Variants in CYP21A2 observed in about 807,000 individuals in gnomAD.
The protein encoded by CYP21A2 is steroid 21-hydroxylase.
In CYP21A2, 24 loss-of-function variants were observed where a neutral mutation model predicts 47.4. That is an observed-to-expected ratio of 0.51 (90% confidence interval 0.37 to 0.71). CYP21A2 has a LOEUF of 0.71. Ranked by LOEUF, CYP21A2 falls within the 30% of genes least tolerant of loss-of-function variation. CYP21A2 has a pLI of 0.00. For missense variants in CYP21A2, 358 were observed against 643.2 expected, an observed-to-expected ratio of 0.56 and a Z score of 4.80; for synonymous variants, 130 against 273.9, an observed-to-expected ratio of 0.47 and a Z score of 5.19.
In CYP21A2 at chr6:32,040,439, G is replaced by T; in HGVS notation, c.973G>T (p.Glu325Ter). Residue 325 changes from glutamate to a stop codon, truncating the protein, a stop_gained, in exon 8 of 10, where the codon GAA becomes TAA. Transcript: ENST00000644719. LOFTEE classifies it high-confidence loss of function. ...QQRLQEELDH[E>*]LGPGASSSRV... is the part of the protein sequence containing the mutation. ...GCGACTGCAGGAGGAGCTAGACCAC[G>T]AACTGGGCCCTGGTGCCTCCAGCTC... 6.2e-7 allele frequency: 1 copy of T among 1,613,140 alleles called. No homozygotes were observed. Among genetic ancestry groups the T allele is most frequent in the Non-Finnish European group, 8.5e-7 (1 of 1,179,810 alleles).
In CYP21A2 at chr6:32,039,854, C is replaced by G; in HGVS notation, c.738+19C>G. On this transcript the variant is annotated intron_variant, in intron 6 of 9. Transcript: ENST00000644719. ...GCACAAGGTGGGGACTGTACGTGGA[C>G]GGCCTCCCCTCGGCCCACAGCCAGT... 6.2e-7 allele frequency: 1 copy of G among 1,611,660 alleles called. No homozygotes were observed. The highest frequency in any genetic ancestry group is 8.5e-7 in the Non-Finnish European group (1 of 1,179,014).
rs372964292 is a variant in CYP21A2 at position 32,039,603 on chromosome 6, A to G, written c.607A>G (p.Ser203Gly). ...KCIQEVLKTW[S>G]HWSIQIVDVI... ...TATCCAGGAGGTGTTAAAAACCTGG[A>G]GCCACTGGTCCATCCAAATTGTGGA... Residue 203 changes from serine (S) to glycine (G), a missense_variant, in exon 5 of 10, where the codon AGC (serine) becomes GGC (glycine). Physicochemically the swap from Ser to Gly is moderately conservative, Grantham distance 56. Coordinates refer to ENST00000644719, the MANE Select transcript of CYP21A2 (RefSeq NM_000500.9). 182 of 1,571,906 alleles carry G rather than the reference A, an allele frequency of 1.2e-4. No homozygotes were observed. In the African/African-American group the frequency reaches 2.0e-3, roughly 17 times the overall value.
chr6:32,039,416 T>C lies in CYP21A2; in HGVS notation c.508T>C (p.Cys170Arg). 1 of 1,613,412 alleles carries C rather than the reference T, an allele frequency of 6.2e-7. No homozygotes were observed. Among genetic ancestry groups the C allele is most frequent in the Non-Finnish European group, 8.5e-7 (1 of 1,179,732 alleles). ...TGAGGAGGAATTCTCTCTCCTCACC[T>C]GCAGCATCATCTGTTACCTCACCTT... ...AIEEEFSLLTCSIICYLTFGD... is the reference protein window; with the variant it reads ...AIEEEFSLLTRSIICYLTFGD... Residue 170 changes from cysteine (C) to arginine (R), a missense_variant, in exon 4 of 10, where the codon TGC (cysteine) becomes CGC (arginine). Cys to Arg is a radical substitution (Grantham distance 180). Transcript: ENST00000644719.
chr6:32,039,062 T>TGCCCCCCCCCCCCCCC, intron 2 of CYP21A2, 32 bp from the exon 3 acceptor site: 1 of 1,565,814 alleles, frequency 6.4e-7, no homozygotes, highest in Non-Finnish European at 8.7e-7. Flanking sequence ...CTTCATCAGT[T>TGCCCCCCCCCCCCCCC]CCCACCCTCC....
chr6:32,039,482 C>G (rs1274740802), intron 4 of CYP21A2, 25 bp downstream of exon 4: 4 of 1,578,924 alleles, frequency 2.5e-6, no homozygotes, highest in Non-Finnish European at 3.4e-6. Context: ...CTCAGGCCCA[C>G]CCCCAGCCCC....
rs757696541 is a variant in CYP21A2, at chr6:32,038,563, C to T, written c.141C>T (p.Ile47=). Residue 47 remains isoleucine, a synonymous_variant, in exon 1 of 10, where the codon ATC becomes ATT. Transcript: ENST00000644719. Reference sequence around the variant, plus strand: ...ACCTGCTGCAGCCCGACCTCCCCATCTATCTGCTTGGCCTGACTCAGAAAT... The same window carrying T: ...ACCTGCTGCAGCCCGACCTCCCCATTTATCTGCTTGGCCTGACTCAGAAAT... ...FLHLLQPDLP[I]YLLGLTQKFG... The T allele has an allele frequency of 1.9e-6, 3 of 1,599,972 alleles. No homozygotes were observed. Among genetic ancestry groups the T allele is most frequent in the Admixed American group, 1.7e-5 (1 of 58,284 alleles).
At position 32,039,205 on chromosome 6, in the gene CYP21A2, C is replaced by A; in HGVS notation, c.404C>A (p.Ser135Tyr). 6.3e-7 allele frequency: 1 copy of A among 1,592,162 alleles called. No individual in the cohort carries two copies. Among genetic ancestry groups the A allele is most frequent in the Non-Finnish European group, 8.6e-7 (1 of 1,169,318 alleles). ...GCCCTGCTGCTGGGCATCCGTGACT[C>A]CATGGAGCCAGTGGTGGAGCAGCTG... ...RSALLLGIRDSMEPVVEQLTQ... is the reference protein window; with the variant it reads ...RSALLLGIRDYMEPVVEQLTQ... Residue 135 changes from serine to tyrosine, a missense_variant, in exon 3 of 10, where the codon TCC (serine) becomes TAC (tyrosine). Physicochemically the swap from Ser to Tyr is moderately radical, Grantham distance 144. Coordinates refer to ENST00000644719, the MANE Select transcript of CYP21A2 (RefSeq NM_000500.9).
At chr6:32,039,073 A>ACCCCC in intron 2 of CYP21A2, 21 bp from the exon 3 acceptor site, 1 of 1,457,736 alleles carries the variant, frequency 6.9e-7, no homozygotes, top group Non-Finnish European at 9.4e-7. Context: ...CCCACCCTCC[A>ACCCCC]GCCCCCACCT....
In CYP21A2 at chr6:32,039,220, T is replaced by C. The variant is rs1455016253; in HGVS notation, c.419T>C (p.Val140Ala). Residue 140 changes from valine (V) to alanine (A), a missense_variant, in exon 3 of 10, where the codon GTG (valine) becomes GCG (alanine). Physicochemically the swap from Val to Ala is moderately conservative, Grantham distance 64. Coordinates refer to ENST00000644719, the MANE Select transcript of CYP21A2 (RefSeq NM_000500.9). ...ATCCGTGACTCCATGGAGCCAGTGG[T>C]GGAGCAGCTGACCCAGGAGTTCTGT... ...LGIRDSMEPV[V>A]EQLTQEFCER... 6.3e-7 allele frequency: 1 copy of C among 1,587,734 alleles called. No homozygotes were observed. The highest frequency in any genetic ancestry group is 8.6e-7 in the Non-Finnish European group (1 of 1,167,082).
Position 32,040,133 on chromosome 6 carries a change from C to G in CYP21A2, c.867C>G (p.Leu289=). Residue 289 remains leucine, a synonymous_variant, in exon 7 of 10, where the codon CTC becomes CTG. Transcript: ENST00000644719. The stretch of plus-strand genomic sequence containing the variant: ...ACGTGCACATGGCTGCAGTGGACCT[C>G]CTGATCGGTGGCACTGAGACCACAG... ...EGHVHMAAVD[L]LIGGTETTAN... The G allele has an allele frequency of 6.2e-7, 1 of 1,612,866 alleles. No homozygotes were observed. Among genetic ancestry groups the G allele is most frequent in the East Asian group, 2.2e-5 (1 of 44,868 alleles).
chr6:32,038,417 C>T lies in CYP21A2; in HGVS notation c.-6C>T. The T allele has an allele frequency of 1.3e-6, 2 of 1,552,660 alleles. No homozygotes were observed. On this transcript the variant is annotated 5_prime_UTR_variant, in exon 1 of 10. Transcript: ENST00000644719. ...GGCACCTCAGGGCCCTGACGGGCGT[C>T]TCGCCATGCTGCTCCTGGGCCTGCT...
Position 32,040,457 on chromosome 6 carries a change from T to G in CYP21A2, c.991T>G (p.Ser331Ala). The G allele has an allele frequency of 1.2e-6, 2 of 1,613,168 alleles. No homozygotes were observed. The highest frequency in any genetic ancestry group is 1.1e-5 in the South Asian group (1 of 91,064). ...ELDHELGPGA[S>A]SSRVPYKDRA... Reference sequence around the variant, plus strand: ...AGACCACGAACTGGGCCCTGGTGCCTCCAGCTCCCGGGTCCCCTACAAGGA... The same window carrying G: ...AGACCACGAACTGGGCCCTGGTGCCGCCAGCTCCCGGGTCCCCTACAAGGA... Residue 331 changes from serine (S) to alanine (A), a missense_variant, in exon 8 of 10, where the codon TCC becomes GCC. Physicochemically the swap from Ser to Ala is moderately conservative, Grantham distance 99. Transcript: ENST00000644719.
At position 32,040,021 on chromosome 6, in the gene CYP21A2, GC is replaced by G; in HGVS notation, c.757del (p.Gln253SerfsTer5). On this transcript the variant is annotated frameshift_variant, in exon 7 of 10. Transcript: ENST00000644719. LOFTEE classifies it high-confidence loss of function. ...CCTCTGCAGGAGAGCCTCGTGGCAG[GC>G]CAGTGGAGGGACATGATGGACTACA... ...LRQHKESLVAGQWRDMMDYML... is the reference protein window; with the variant it reads ...LRQHKESLVAXQWRDMMDYML... 1 of 1,612,014 alleles carries G rather than the reference GC, an allele frequency of 6.2e-7. No homozygotes were observed. Among genetic ancestry groups the G allele is most frequent in the Non-Finnish European group, 8.5e-7 (1 of 1,179,458 alleles).
Position 32,040,223 on chromosome 6 carries a change from G to C in CYP21A2, c.939+18G>C, listed in dbSNP as rs759398534. ...ACCCTGAGGTGCGTCCTGGGGACAA[G>C]CAAAAGGCTCCTTCCCAGCAACCTG... On this transcript the variant is annotated intron_variant, in intron 7 of 9. Coordinates refer to ENST00000644719, the MANE Select transcript of CYP21A2 (RefSeq NM_000500.9). The C allele has an allele frequency of 3.1e-6, 5 of 1,612,846 alleles. No individual in the cohort carries two copies. The highest frequency in any genetic ancestry group is 1.7e-6 in the Non-Finnish European group (2 of 1,179,858).
Position 32,038,603 on chromosome 6 carries a change from A to G in CYP21A2, c.181A>G (p.Arg61Gly). 6.3e-7 allele frequency: 1 copy of G among 1,588,710 alleles called. No individual in the cohort carries two copies. Among genetic ancestry groups the G allele is most frequent in the East Asian group, 2.3e-5 (1 of 43,786 alleles). Residue 61 changes from arginine to glycine, a missense_variant, in exon 1 of 10, where the codon AGG (arginine) becomes GGG (glycine). Transcript: ENST00000644719. ...GLTQKFGPIY[R>G]LHLGLQDVVV... ...GACTCAGAAATTCGGGCCCATCTACAGGCTCCACCTTGGGCTGCAAGGTGA... is the reference window on the plus strand; with the variant it reads ...GACTCAGAAATTCGGGCCCATCTACGGGCTCCACCTTGGGCTGCAAGGTGA...
intron 2 of CYP21A2, 66 bp downstream of exon 2, chr6:32,038,877 G>T: frequency 7.3e-7 from 1 of 1,366,512 alleles, no homozygotes; most frequent in South Asian, 1.2e-5. Context: ...TTCTTGCTAT[G>T]CTGCCCAGGC....
At position 32,040,131 on chromosome 6, in the gene CYP21A2, C is replaced by T. The variant is rs768635138; in HGVS notation, c.865C>T (p.Leu289Phe). The T allele has an allele frequency of 9.9e-6, 16 of 1,612,740 alleles. No homozygotes were observed. The highest frequency in any genetic ancestry group is 1.6e-4 in the Middle Eastern group (1 of 6,078). ...EGHVHMAAVD[L>F]LIGGTETTAN... ...GCACGTGCACATGGCTGCAGTGGAC[C>T]TCCTGATCGGTGGCACTGAGACCAC... Residue 289 changes from leucine to phenylalanine, a missense_variant, in exon 7 of 10, where the codon CTC (leucine) becomes TTC (phenylalanine). Coordinates refer to ENST00000644719, the MANE Select transcript of CYP21A2 (RefSeq NM_000500.9).
chr6:32,039,538 T>G lies in CYP21A2; in HGVS notation c.550-8T>G. ...CTGAACTGAAAGTACTCCCTCCTTT[T>G]CTGGCAGGACGACAACTTAATGCCT... On this transcript the variant is annotated splice_region_variant and splice_polypyrimidine_tract_variant and intron_variant, in intron 4 of 9. Coordinates refer to ENST00000644719, the MANE Select transcript of CYP21A2 (RefSeq NM_000500.9). The G allele has an allele frequency of 1.9e-6, 3 of 1,565,412 alleles. No individual in the cohort carries two copies. Among genetic ancestry groups the G allele is most frequent in the Non-Finnish European group, 1.7e-6 (2 of 1,149,956 alleles).
In CYP21A2 at chr6:32,038,473, C is replaced by A. The variant is rs1260646339; in HGVS notation, c.51C>A (p.Arg17=). The A allele has an allele frequency of 1.5e-5, 23 of 1,579,158 alleles. No homozygotes were observed. The highest frequency in any genetic ancestry group is 1.9e-5 in the Non-Finnish European group (22 of 1,161,974). ...LLLLPLLAGA[R]LLWNWWKLRS... ...TGCTGCCCCTGCTGGCTGGCGCCCG[C>A]CTGCTGTGGAACTGGTGGAAGCTCC... is the stretch of plus-strand genomic sequence containing the variant. The change falls in exon 1 of 10, where the codon CGC becomes CGA. Residue 17 remains arginine (R), a synonymous_variant. Coordinates refer to ENST00000644719, the MANE Select transcript of CYP21A2 (RefSeq NM_000500.9).
Sources: gnomAD v4.1 joint callset for allele counts on GRCh38, gnomAD v4.1.1 for gene constraint, MANE v1.5 for transcripts, NCBI Gene and HGNC (gene_info 2026-07-23, HGNC 2026-07-21) for gene names.